Variants in RAB20 observed in about 807,000 individuals in gnomAD.
The protein encoded by RAB20 is RAB20, member RAS oncogene family, also known as ras-related protein Rab-20.
A neutral mutation model predicts 3.7 loss-of-function variants in RAB20; 2 were observed. The ratio of observed to expected loss-of-function variants is 0.54; its 90% CI spans 0.22 to 1.69. RAB20 has a LOEUF of 1.69. Ranked by LOEUF, RAB20 falls within the 40% of genes most tolerant of loss-of-function variation. RAB20 has a pLI of 0.19. For missense variants in RAB20, 276 were observed against 311.9 expected, an observed-to-expected ratio of 0.88 and a Z score of 0.87; for synonymous variants, 126 against 130.8, an observed-to-expected ratio of 0.96 and a Z score of 0.25.
chr13:110,555,153 C>T lies in RAB20; in HGVS notation c.172+6195G>A, dbSNP rs1885018804. The stretch of plus-strand genomic sequence containing the variant: ...CAGAGCCTGGCACGTGGCAGGGACC[C>T]ACATACAGTGGCAATTACTGTAAGT... On this transcript the variant is annotated intron_variant, in intron 1 of 1. Coordinates refer to ENST00000267328, the MANE Select transcript of RAB20 (RefSeq NM_017817.3). The surrounding 1 kb of genome is among the most constrained non-coding windows in gnomAD (Gnocchi z 4.0). Among the ~76,000 whole-genome samples, 1 of 152,170 alleles carries T rather than the reference C, an allele frequency of 6.6e-6. No homozygotes were observed. The highest frequency in any genetic ancestry group is 2.4e-5 in the African/African-American group (1 of 41,448).
Position 110,546,647 on chromosome 13 carries a change from T to G in RAB20, c.172+14701A>C, listed in dbSNP as rs147439011. On this transcript the variant is annotated intron_variant, in intron 1 of 1. Transcript: ENST00000267328. ...GCATGGTGCTGGGTGACACCCAGGC[T>G]CACAAATCTTAACTGACCTGGAGCA... 3.7e-3 allele frequency among the ~76,000 whole-genome samples: 566 copies of G among 151,996 alleles called. 4 individuals carry two copies. Among genetic ancestry groups the G allele is most frequent in the African/African-American group, 0.013 (547 of 41,498 alleles).
Position 110,531,568 on chromosome 13 carries a change from G to C in RAB20, c.173-7371C>G, listed in dbSNP as rs568062040. On this transcript the variant is annotated intron_variant, in intron 1 of 1. Transcript: ENST00000267328. ...TGTGGGTTACACCTGCCAAAGGGTG[G>C]CTGAGAAAGCAGAATCTGCACACAG... 3.1e-4 allele frequency among the ~76,000 whole-genome samples: 47 copies of C among 152,344 alleles called. No homozygotes were observed. In the South Asian group the frequency reaches 9.3e-3, roughly 30 times the overall value.
At chr13:110,557,847 C>A (rs1237989621) in intron 1 of RAB20, among the ~76,000 whole-genome samples, 2 of 152,290 alleles carry the variant, frequency 1.3e-5, no homozygotes, top group African/African-American at 4.8e-5. Context: ...GGAAGGAAAA[C>A]AAATGTGGAG....
At chr13:110,537,362 G>GC (rs2139579835) in intron 1 of RAB20, among the ~76,000 whole-genome samples, 1 of 151,868 alleles carries the variant, frequency 6.6e-6, no homozygotes, top group South Asian at 2.1e-4. Context: ...AATAAGCAAT[G>GC]CCCTCTAACC....
chr13:110,540,943 C>T (rs1004167233), intron 1 of RAB20, among the ~76,000 whole-genome samples: 4 of 152,128 alleles, frequency 2.6e-5, no homozygotes, highest in African/African-American at 7.2e-5. Context: ...GCAAGCCCCG[C>T]GCAGCTGCCC....
chr13:110,549,454 T>TACAGCCATTGTTACAATCTAA (rs1241919599), intron 1 of RAB20, among the ~76,000 whole-genome samples: 1 of 149,736 alleles, frequency 6.7e-6, no homozygotes, highest in Non-Finnish European at 1.5e-5. Context: ...TCATGATTCT[T>TACAGCCATTGTTACAATCTAA]ACAGCCATTG....
intron 1 of RAB20, among the ~76,000 whole-genome samples, chr13:110,559,410 T>C (rs1267955683): frequency 6.6e-6 from 1 of 152,240 alleles, no homozygotes; most frequent in Non-Finnish European, 1.5e-5. Flanking sequence ...AAATGTTAAA[T>C]TCTGAATTTC....
intron 1 of RAB20, among the ~76,000 whole-genome samples, chr13:110,539,372 C>T (rs1042753618): frequency 2.0e-5 from 3 of 152,084 alleles, no homozygotes; most frequent in Non-Finnish European, 4.4e-5. Flanking sequence ...TGACCGACAG[C>T]CATCCAAACC....
chr13:110,550,068 C>G (rs1412671458), intron 1 of RAB20, among the ~76,000 whole-genome samples: 1 of 152,152 alleles, frequency 6.6e-6, no homozygotes, highest in Non-Finnish European at 1.5e-5. Flanking sequence ...CAACCACAGA[C>G]AACCAATGAA....
rs981799134 is a variant in RAB20 at position 110,555,711 on chromosome 13, G to T, written c.172+5637C>A. 2.0e-5 allele frequency among the ~76,000 whole-genome samples: 3 copies of T among 152,198 alleles called. No homozygotes were observed. The highest frequency in any genetic ancestry group is 1.3e-4 in the Admixed American group (2 of 15,282). On this transcript the variant is annotated intron_variant, in intron 1 of 1. Coordinates refer to ENST00000267328, the MANE Select transcript of RAB20 (RefSeq NM_017817.3). The surrounding 1 kb of genome is among the most constrained non-coding windows in gnomAD (Gnocchi z 4.0). The stretch of plus-strand genomic sequence containing the variant: ...CCAGTCATCAGCCGGCCCCCTGCTC[G>T]ACTCCAAACAGCAAAGGAAGAAATT...
At chr13:110,541,990 C>A (rs1482269320) in intron 1 of RAB20, among the ~76,000 whole-genome samples, 1 of 152,148 alleles carries the variant, frequency 6.6e-6, no homozygotes, top group African/African-American at 2.4e-5. Context: ...CCACCATCAG[C>A]AGGAACGGGG....
intron 1 of RAB20, among the ~76,000 whole-genome samples, chr13:110,556,895 G>C (rs1885047655): frequency 6.6e-6 from 1 of 152,190 alleles, no homozygotes; most frequent in Non-Finnish European, 1.5e-5. Context: ...ACAGACTTTG[G>C]AACTGGGAGC....
chr13:110,557,482 T>C (rs771603557), intron 1 of RAB20, among the ~76,000 whole-genome samples: 1 of 152,192 alleles, frequency 6.6e-6, no homozygotes, highest in Non-Finnish European at 1.5e-5. Context: ...GAGGCCCTGG[T>C]GTGGCCACAT....
intron 1 of RAB20, among the ~76,000 whole-genome samples, chr13:110,538,597 CAAAAA>C (rs67409356): frequency 1.4e-5 from 1 of 70,730 alleles, no homozygotes; most frequent in Non-Finnish European, 2.6e-5. Context: ...GATCTTCTCT[CAAAAA>C]AAAAAAAAAA....
At position 110,547,163 on chromosome 13, in the gene RAB20, T is replaced by C. The variant is rs547914143; in HGVS notation, c.172+14185A>G. Among the ~76,000 whole-genome samples, 5 of 152,222 alleles carry C rather than the reference T, an allele frequency of 3.3e-5. No individual in the cohort carries two copies. The South Asian group carries it at 6.2e-4, about 19-fold the overall frequency. ...TGACTGTTGCGCCAAATCACAGCGG[T>C]CTACACGGCGCCTCCTCTAACCAGA... On this transcript the variant is annotated intron_variant, in intron 1 of 1. Transcript: ENST00000267328.
At chr13:110,543,232 G>A (rs1594135138) in intron 1 of RAB20, among the ~76,000 whole-genome samples, 2 of 152,038 alleles carry the variant, frequency 1.3e-5, no homozygotes, top group Admixed American at 6.6e-5. Context: ...AAACTCAAGC[G>A]ATCCTCCTGC....
intron 1 of RAB20, among the ~76,000 whole-genome samples, chr13:110,545,484 C>G (rs1274530446): frequency 6.6e-6 from 1 of 152,218 alleles, no homozygotes; most frequent in Non-Finnish European, 1.5e-5. Flanking sequence ...ACTGCGTATT[C>G]TGTCTACTGC....
chr13:110,537,331 C>A (rs1884665023), intron 1 of RAB20, among the ~76,000 whole-genome samples: 1 of 151,788 alleles, frequency 6.6e-6, no homozygotes, highest in Non-Finnish European at 1.5e-5. Context: ...TTTACATCAA[C>A]CTAATGCCAC....
intron 1 of RAB20, among the ~76,000 whole-genome samples, chr13:110,530,148 G>A (rs1397243507): frequency 4.7e-5 from 7 of 148,882 alleles, no homozygotes; most frequent in South Asian, 2.2e-4. Context: ...CAGACACAGG[G>A]CCCCGGGGAG....
Sources: gnomAD v4.1 joint callset for allele counts (sites outside exome capture counted in the v4.1 genomes callset) on GRCh38, gnomAD v4.1.1 for gene constraint, Gnocchi (gnomAD v3.1) non-coding constraint, MANE v1.5 for transcripts, NCBI Gene and HGNC (gene_info 2026-07-23, HGNC 2026-07-21) for gene names.